The following NRG3 variants were observed in gnomAD, a reference collection of about 807,000 sequenced individuals.
The protein encoded by NRG3 is neuregulin 3, also known as pro-neuregulin-3, membrane-bound isoform.
A neutral mutation model predicts 66.9 loss-of-function variants in NRG3; 31 were observed. The observed-to-expected ratio is 0.46, with a 90% CI of 0.35 to 0.63. NRG3 has a LOEUF of 0.63. NRG3 is among the 20% of genes least tolerant of loss of function. NRG3 has a pLI of 0.00. For missense variants in NRG3, 910 were observed against 878.9 expected (o/e 1.04, Z -0.45); for synonymous variants, 393 against 359.4 (o/e 1.09, Z -1.06).
At chr10:82,480,312 T>C (rs115468057) in intron 2 of NRG3, among the ~76,000 whole-genome samples, 218 of 152,304 alleles carry the variant, frequency 1.4e-3, no homozygotes, top group African/African-American at 5.0e-3. Flanking sequence ...AATGTACTAA[T>C]AATCATTGAA....
chr10:82,823,864 C>T (rs1334886671), intron 3 of NRG3, among the ~76,000 whole-genome samples: 1 of 152,142 alleles, frequency 6.6e-6, no homozygotes, highest in Non-Finnish European at 1.5e-5. Context: ...TTATAAAATA[C>T]ATCCATTTAA....
chr10:82,616,973 C>A (rs913441852), intron 2 of NRG3, among the ~76,000 whole-genome samples: 5 of 152,148 alleles, frequency 3.3e-5, no homozygotes, highest in Non-Finnish European at 7.4e-5. Context: ...TAAGTAAATT[C>A]TTTGGTTTGT....
intron 2 of NRG3, among the ~76,000 whole-genome samples, chr10:82,661,052 A>C (rs540250939): frequency 6.6e-6 from 1 of 152,206 alleles, no homozygotes; most frequent in East Asian, 1.9e-4. Flanking sequence ...GCAGGCATAC[A>C]TTAATTCCTT....
chr10:82,229,577 A>C lies in NRG3; in HGVS notation c.824-129162A>C, dbSNP rs150697985. On this transcript the variant is annotated intron_variant, in intron 1 of 8. Transcript: ENST00000372141. ...AGTTCTGCATTGCTTGGGAGGCCTC[A>C]GGAAACTTACAATCATGGCAGAAGA... 2.0e-5 allele frequency among the ~76,000 whole-genome samples: 3 copies of C among 152,322 alleles called. No homozygotes were observed. The East Asian group carries it at 5.8e-4, about 29-fold the overall frequency.
intron 2 of NRG3, among the ~76,000 whole-genome samples, chr10:82,631,344 C>CA (rs2049816639): frequency 6.6e-6 from 1 of 152,150 alleles, no homozygotes; most frequent in Admixed American, 6.5e-5. Context: ...CCATTGACTC[C>CA]AGAGGTTTCC....
At chr10:82,103,720 G>T (rs536778025) in intron 1 of NRG3, among the ~76,000 whole-genome samples, 1 of 152,172 alleles carries the variant, frequency 6.6e-6, no homozygotes, top group East Asian at 1.9e-4. Flanking sequence ...TCACCTCAAA[G>T]TCTGCAGCTC....
chr10:82,201,001 G>GTA (rs1008497240), intron 1 of NRG3, among the ~76,000 whole-genome samples: 1 of 151,906 alleles, frequency 6.6e-6, no homozygotes, highest in Non-Finnish European at 1.5e-5. Context: ...TTAGAGACCA[G>GTA]CCTGGCCAAC....
intron 2 of NRG3, among the ~76,000 whole-genome samples, chr10:82,707,241 A>G (rs373251088): frequency 6.6e-6 from 1 of 152,072 alleles, no homozygotes; most frequent in African/African-American, 2.4e-5. Flanking sequence ...ATTAAATTCA[A>G]CATTTCACAG....
At chr10:82,161,415 A>G (rs765215034) in intron 1 of NRG3, among the ~76,000 whole-genome samples, 17 of 152,118 alleles carry the variant, frequency 1.1e-4, no homozygotes, top group Admixed American at 5.9e-4. Context: ...AGCACCGACT[A>G]TGGGGCAAGT....
intron 1 of NRG3, among the ~76,000 whole-genome samples, chr10:82,260,445 T>C (rs2077963882): frequency 6.6e-6 from 1 of 152,198 alleles, no homozygotes; most frequent in Admixed American, 6.5e-5. Context: ...CCTTCAACTT[T>C]CCAGGAAATC....
intron 3 of NRG3, among the ~76,000 whole-genome samples, chr10:82,800,841 A>G (rs2061004087): frequency 6.6e-6 from 1 of 152,162 alleles, no homozygotes; most frequent in African/African-American, 2.4e-5. Flanking sequence ...GCAGAATCCA[A>G]ATCCTTTGAC....
chr10:81,987,364 C>T lies in NRG3; in HGVS notation c.823+111201C>T, dbSNP rs560664178. Among the ~76,000 whole-genome samples, 7 of 152,312 alleles carry T rather than the reference C, an allele frequency of 4.6e-5. No individual in the cohort carries two copies. The East Asian group carries it at 9.7e-4, about 21-fold the overall frequency. On this transcript the variant is annotated intron_variant, in intron 1 of 8. Transcript: ENST00000372141. ...CCTCCCAAAGTTCTGGGATGACAGG[C>T]GTGAGCCACCATGCCTGGCCTATTT...
intron 2 of NRG3, among the ~76,000 whole-genome samples, chr10:82,607,824 A>G (rs1471189109): frequency 6.6e-6 from 1 of 152,080 alleles, no homozygotes; most frequent in Admixed American, 6.6e-5. Flanking sequence ...TTAATATAAA[A>G]CAATAATATT....
intron 2 of NRG3, among the ~76,000 whole-genome samples, chr10:82,566,130 T>C (rs901427359): frequency 2.0e-5 from 3 of 152,078 alleles, no homozygotes; most frequent in Non-Finnish European, 4.4e-5. Context: ...TAATAAGCCC[T>C]CCGTGAATGT....
At chr10:82,464,934 C>A (rs183294266) in intron 2 of NRG3, among the ~76,000 whole-genome samples, 312 of 152,264 alleles carry the variant, frequency 2.0e-3, no homozygotes, top group African/African-American at 6.9e-3. Flanking sequence ...GCAAGAGGAG[C>A]TAGGCCAGGA....
At chr10:82,589,035 G>A (rs1034352810) in intron 2 of NRG3, among the ~76,000 whole-genome samples, 25 of 152,100 alleles carry the variant, frequency 1.6e-4, no homozygotes, top group African/African-American at 6.0e-4. Flanking sequence ...GGGGATTGCT[G>A]GCCTACGCAT....
chr10:82,365,937 A>G (rs1178901889), intron 2 of NRG3, among the ~76,000 whole-genome samples: 1 of 152,154 alleles, frequency 6.6e-6, no homozygotes, highest in Non-Finnish European at 1.5e-5. Context: ...GGTGTTTTTT[A>G]AGGAGGTCAT....
chr10:81,879,463 G>A (rs1841987703), intron 1 of NRG3, among the ~76,000 whole-genome samples: 1 of 152,200 alleles, frequency 6.6e-6, no homozygotes, highest in Admixed American at 6.5e-5. Flanking sequence ...TTGTTTTAGA[G>A]ACATAGAATT....
chr10:82,519,374 C>A (rs1205037148), intron 2 of NRG3, among the ~76,000 whole-genome samples: 1 of 152,204 alleles, frequency 6.6e-6, no homozygotes, highest in Non-Finnish European at 1.5e-5. Flanking sequence ...CCACACCTCC[C>A]AACCAACCTT....
Sources: gnomAD v4.1 joint callset for allele counts (sites outside exome capture counted in the v4.1 genomes callset) on GRCh38, gnomAD v4.1.1 for gene constraint, MANE v1.5 for transcripts, NCBI Gene and HGNC (gene_info 2026-07-23, HGNC 2026-07-21) for gene names.